DLGAP2: variants seen among roughly 807,000 people sequenced by gnomAD.
DLGAP2 encodes the protein disks large-associated protein 2.
In DLGAP2, 26 loss-of-function variants were observed where a neutral mutation model predicts 100.3. The observed-to-expected ratio is 0.26, with a 90% CI of 0.19 to 0.36. The LOEUF (loss-of-function observed/expected upper bound fraction) is 0.36. Ranked by LOEUF, DLGAP2 falls within the 10% of genes least tolerant of loss-of-function variation. The pLI, the probability that DLGAP2 is intolerant of heterozygous loss-of-function variation, is 1.00. For synonymous variants in DLGAP2, 886 were observed against 630.1 expected (o/e 1.41, Z -6.08); for missense variants, 1,858 against 1,453.2 (o/e 1.28, Z -4.53).
chr8:1,421,033 T>C (rs1411558724), intron 3 of DLGAP2, among the ~76,000 whole-genome samples: 1 of 152,214 alleles, frequency 6.6e-6, no homozygotes, highest in African/African-American at 2.4e-5. Context: ...AGTTGTGTTA[T>C]AGACTTCCCA....
intron 6 of DLGAP2, among the ~76,000 whole-genome samples, chr8:1,592,188 C>G (rs942699774): frequency 2.0e-5 from 3 of 152,204 alleles, no homozygotes; most frequent in Non-Finnish European, 2.9e-5. Flanking sequence ...CCGCAGCTCT[C>G]CATGGTTCCC....
chr8:989,519 G>A (rs946054655), intron 2 of DLGAP2, among the ~76,000 whole-genome samples: 1 of 152,142 alleles, frequency 6.6e-6, no homozygotes, highest in Non-Finnish European at 1.5e-5. Context: ...GGATGCAAAG[G>A]CTTTGGTACC....
intron 2 of DLGAP2, among the ~76,000 whole-genome samples, chr8:1,176,439 C>T (rs926597160): frequency 6.6e-6 from 1 of 152,204 alleles, no homozygotes; most frequent in East Asian, 1.9e-4. Context: ...GGTGTTTGTT[C>T]TGAGTATTTA....
At chr8:785,992 T>G (rs1821852014) in intron 1 of DLGAP2, among the ~76,000 whole-genome samples, 2 of 152,206 alleles carry the variant, frequency 1.3e-5, no homozygotes, top group Admixed American at 1.3e-4. Flanking sequence ...AGGTGTGATG[T>G]GTCACCGTCA....
At chr8:1,263,591 C>A (rs1799394066) in intron 3 of DLGAP2, among the ~76,000 whole-genome samples, 1 of 152,200 alleles carries the variant, frequency 6.6e-6, no homozygotes, top group South Asian at 2.1e-4. Context: ...ATTTTCCCCA[C>A]AAGTGACTCG....
chr8:966,690 A>C (rs927280534), intron 2 of DLGAP2, among the ~76,000 whole-genome samples: 1 of 152,080 alleles, frequency 6.6e-6, no homozygotes, highest in Non-Finnish European at 1.5e-5. Context: ...GGTTTTTGCT[A>C]CTGGTGGAGT....
chr8:1,277,772 G>A (rs1799733841), intron 3 of DLGAP2, among the ~76,000 whole-genome samples: 1 of 152,164 alleles, frequency 6.6e-6, no homozygotes, highest in African/African-American at 2.4e-5. Context: ...GGCAGGGCCG[G>A]CTTGCTCTGA....
chr8:1,515,501 C>G (rs370796739), intron 4 of DLGAP2, among the ~76,000 whole-genome samples: 1 of 151,160 alleles, frequency 6.6e-6, no homozygotes. Flanking sequence ...GAAATGTGCA[C>G]ACACACACAC....
intron 14 of DLGAP2, among the ~76,000 whole-genome samples, chr8:1,699,343 C>T (rs543897947): frequency 2.6e-5 from 4 of 151,934 alleles, no homozygotes; most frequent in African/African-American, 7.2e-5. Flanking sequence ...CAGTGGATCA[C>T]GCCTGTAATC....
chr8:1,299,980 C>A (rs1349434190), intron 3 of DLGAP2: 1 of 152,210 alleles, frequency 6.6e-6, no homozygotes, highest in Non-Finnish European at 1.5e-5. Context: ...AGGGCCTCTT[C>A]CTGGCCACCT....
At chr8:1,203,536 A>G (rs1000433123) in intron 2 of DLGAP2, among the ~76,000 whole-genome samples, 3 of 152,154 alleles carry the variant, frequency 2.0e-5, no homozygotes, top group Non-Finnish European at 4.4e-5. Flanking sequence ...ATCTCTGTGG[A>G]ACAGATGCTA....
intron 2 of DLGAP2, among the ~76,000 whole-genome samples, chr8:1,050,378 T>G (rs1324287103): frequency 6.6e-6 from 1 of 152,196 alleles, no homozygotes; most frequent in Non-Finnish European, 1.5e-5. Flanking sequence ...ATCCAACACT[T>G]TAGTATAAAA....
intron 1 of DLGAP2, among the ~76,000 whole-genome samples, chr8:873,142 T>C (rs1797630240): frequency 6.6e-6 from 1 of 152,232 alleles, no homozygotes; most frequent in African/African-American, 2.4e-5. Flanking sequence ...GTGTAAATGC[T>C]TTGCATGAAT....
In DLGAP2 at chr8:1,585,347, C is replaced by T. The variant is rs566660523; in HGVS notation, c.1442+19453C>T. Reference sequence around the variant, plus strand: ...GGCATTTTGGCCCGTGCCTGTAATCCCAGGTACCCAGGTGGCCGAGCCAGG... The same window carrying T: ...GGCATTTTGGCCCGTGCCTGTAATCTCAGGTACCCAGGTGGCCGAGCCAGG... On this transcript the variant is annotated intron_variant, in intron 6 of 14. Transcript: ENST00000637795. Among the ~76,000 whole-genome samples, 8 of 135,058 alleles carry T rather than the reference C, an allele frequency of 5.9e-5. No individual in the cohort carries two copies. In the South Asian group the frequency reaches 1.4e-3, roughly 24 times the overall value. The allele number at this position is 135,058 out of a possible 152,430, so 88.6% of individuals were successfully genotyped here.
chr8:1,341,240 T>G (rs1236130341), intron 3 of DLGAP2, among the ~76,000 whole-genome samples: 1 of 152,184 alleles, frequency 6.6e-6, no homozygotes, highest in African/African-American at 2.4e-5. Flanking sequence ...AAATCAAAGT[T>G]AAAAAATGAG....
chr8:1,170,765 C>T (rs534168198), intron 2 of DLGAP2, among the ~76,000 whole-genome samples: 3 of 149,808 alleles, frequency 2.0e-5, no homozygotes, highest in Non-Finnish European at 1.5e-5. Flanking sequence ...CTATTTGATT[C>T]TTTTCTCTTT....
chr8:858,441 G>C (rs566205503), intron 1 of DLGAP2, among the ~76,000 whole-genome samples: 1 of 152,368 alleles, frequency 6.6e-6, no homozygotes, highest in South Asian at 2.1e-4. Context: ...GGGGTGAATG[G>C]GCGGAGCCCA....
intron 1 of DLGAP2, among the ~76,000 whole-genome samples, chr8:897,910 C>T (rs1314775732): frequency 1.3e-5 from 2 of 152,178 alleles, no homozygotes; most frequent in Non-Finnish European, 2.9e-5. Context: ...AAGCCCTGCA[C>T]GTGCAGCGAG....
chr8:1,377,522 C>A (rs1294257642), intron 3 of DLGAP2, among the ~76,000 whole-genome samples: 1 of 151,908 alleles, frequency 6.6e-6, no homozygotes, highest in African/African-American at 2.4e-5. Context: ...CCAGCCCGGG[C>A]GATAGAGCGA....
Sources: gnomAD v4.1 joint callset for allele counts (sites outside exome capture counted in the v4.1 genomes callset) on GRCh38, gnomAD v4.1.1 for gene constraint, MANE v1.5 for transcripts, NCBI Gene and HGNC (gene_info 2026-07-23, HGNC 2026-07-21) for gene names.